NSD3: variants seen among roughly 807,000 people sequenced by gnomAD.
The protein encoded by NSD3 is histone-lysine N-methyltransferase NSD3.
In NSD3, 24 loss-of-function variants were observed where a neutral mutation model predicts 160.8. That is an observed-to-expected ratio of 0.15 (90% CI 0.11 to 0.21). NSD3 has a LOEUF of 0.21. NSD3 is among the 10% of genes least tolerant of loss of function. The pLI is 1.00. For missense variants in NSD3, 1,157 were observed against 1,735.9 expected (o/e 0.67, Z 5.93); for synonymous variants, 520 against 600.0 (o/e 0.87, Z 1.95).
rs1349755835 is a variant in NSD3 at position 38,279,536 on chromosome 8, T to C, written c.3760+4A>G. ...AAAGCATGGGGAACGAGTCACTTTT[T>C]TACCTGCAGGAATATCACAGAGAGC... On this transcript the variant is annotated splice_donor_region_variant and intron_variant, in intron 21 of 23. Coordinates refer to ENST00000317025, the MANE Select transcript of NSD3 (RefSeq NM_023034.2). The C allele has an allele frequency of 8.7e-6, 14 of 1,613,514 alleles. No homozygotes were observed. The highest frequency in any genetic ancestry group is 1.1e-5 in the Non-Finnish European group (13 of 1,179,536).
intron 7 of NSD3, among the ~76,000 whole-genome samples, chr8:38,322,397 G>T (rs978537419): frequency 3.3e-5 from 5 of 152,020 alleles, no homozygotes; most frequent in African/African-American, 1.2e-4. Flanking sequence ...TACTAAGACA[G>T]CAGATATGCT....
chr8:38,330,511 T>C (rs1055825956), intron 5 of NSD3, among the ~76,000 whole-genome samples: 3 of 152,142 alleles, frequency 2.0e-5, no homozygotes, highest in Admixed American at 1.3e-4. Context: ...AGACTTTGGA[T>C]TGGCAAGAGG....
chr8:38,355,389 C>T (rs1810799131), intron 1 of NSD3, among the ~76,000 whole-genome samples: 1 of 149,238 alleles, frequency 6.7e-6, no homozygotes, highest in African/African-American at 2.5e-5. Context: ...CAATGCTGGG[C>T]ATACAGAACT....
intron 11 of NSD3, 58 bp from the exon 12 acceptor site, chr8:38,314,831 G>A (rs1274545282): frequency 6.4e-7 from 1 of 1,561,922 alleles, no homozygotes; most frequent in East Asian, 2.3e-5. Flanking sequence ...AGACCACATG[G>A]GCGGCTTGTT....
At chr8:38,379,170 T>C (rs1009830723) in intron 1 of NSD3, among the ~76,000 whole-genome samples, 12 of 152,068 alleles carry the variant, frequency 7.9e-5, no homozygotes, top group Non-Finnish European at 1.8e-4. Flanking sequence ...TGGTTATAAG[T>C]GTTATTTAAC....
intron 1 of NSD3, among the ~76,000 whole-genome samples, chr8:38,364,517 C>T (rs1413532969): frequency 6.6e-6 from 1 of 152,178 alleles, no homozygotes; most frequent in Non-Finnish European, 1.5e-5. Context: ...GCTTTCTATA[C>T]TCTGGAGTTT....
intron 4 of NSD3, among the ~76,000 whole-genome samples, chr8:38,332,243 T>C (rs1309869565): frequency 1.3e-5 from 2 of 151,966 alleles, no homozygotes; most frequent in Non-Finnish European, 2.9e-5. Context: ...CCCCAGCCTA[T>C]GATAGGTTCT....
chr8:38,293,242 G>A (rs1446190326), intron 16 of NSD3, among the ~76,000 whole-genome samples: 3 of 151,816 alleles, frequency 2.0e-5, no homozygotes, highest in Non-Finnish European at 4.4e-5. Context: ...GGGTAAACAT[G>A]TCTAACATAT....
intron 7 of NSD3, among the ~76,000 whole-genome samples, chr8:38,325,602 T>C (rs145823003): frequency 1.2e-4 from 19 of 152,334 alleles, no homozygotes; most frequent in South Asian, 6.2e-4. Flanking sequence ...CTGGGTGCAA[T>C]GGCTCACGCC....
At chr8:38,371,041 T>C (rs1322914286) in intron 1 of NSD3, among the ~76,000 whole-genome samples, 1 of 151,988 alleles carries the variant, frequency 6.6e-6, no homozygotes, top group African/African-American at 2.4e-5. Flanking sequence ...AAACAGATAA[T>C]AGCACACCTG....
At position 38,316,800 on chromosome 8, in the gene NSD3, G is replaced by A. The variant is rs1435998016; in HGVS notation, c.1856-758C>T. The stretch of plus-strand genomic sequence containing the variant: ...AATAGGAAAAAAAAGGCAGAGAATA[G>A]TGTGGAATTGTTTTTTTTAAAACTG... On this transcript the variant is annotated intron_variant, in intron 9 of 23. Transcript: ENST00000317025. The surrounding 1 kb of genome is among the most constrained non-coding windows in gnomAD (Gnocchi z 4.5). 9.4e-7 allele frequency: 1 copy of A among 1,060,914 alleles called. No individual in the cohort carries two copies. The highest frequency in any genetic ancestry group is 1.1e-6 in the Non-Finnish European group (1 of 876,380). The allele number at this position is 1,060,914 out of a possible 1,614,324, so 65.7% of individuals were successfully genotyped here.
chr8:38,301,027 G>C (rs1809263511), intron 14 of NSD3, among the ~76,000 whole-genome samples: 1 of 152,120 alleles, frequency 6.6e-6, no homozygotes, highest in Non-Finnish European at 1.5e-5. Flanking sequence ...CTGGAGTCCA[G>C]TGGCAGATCA....
chr8:38,356,864 A>G (rs753095099), intron 1 of NSD3, among the ~76,000 whole-genome samples: 1 of 151,948 alleles, frequency 6.6e-6, no homozygotes, highest in East Asian at 1.9e-4. Flanking sequence ...TATGCTTGTA[A>G]TCCCAGCACT....
intron 2 of NSD3, among the ~76,000 whole-genome samples, chr8:38,338,994 G>C (rs1810291491): frequency 6.6e-6 from 1 of 151,836 alleles, no homozygotes; most frequent in South Asian, 2.1e-4. Context: ...TAAAAAAATA[G>C]CCGGGCATGG....
chr8:38,315,829 A>C (rs966078034), intron 10 of NSD3, 83 bp downstream of exon 10: 10 of 1,530,984 alleles, frequency 6.5e-6, no homozygotes, highest in Non-Finnish European at 7.9e-6. Flanking sequence ...TATTTTTAAA[A>C]TGTCCTGATT....
At chr8:38,353,524 G>C (rs1810752344) in intron 1 of NSD3, among the ~76,000 whole-genome samples, 1 of 152,138 alleles carries the variant, frequency 6.6e-6, no homozygotes, top group African/African-American at 2.4e-5. Context: ...GGGTTTTTCA[G>C]GCATATGTAT....
At chr8:38,295,669 T>C in intron 16 of NSD3, 127 bp downstream of exon 16, 1 of 362,654 alleles carries the variant, frequency 2.8e-6, no homozygotes, top group Non-Finnish European at 4.4e-6. Flanking sequence ...GGTTCTTTTC[T>C]TTTTTTTTTT....
At chr8:38,364,231 C>G (rs566444185) in intron 1 of NSD3, among the ~76,000 whole-genome samples, 1 of 152,042 alleles carries the variant, frequency 6.6e-6, no homozygotes, top group East Asian at 1.9e-4. Context: ...GAGCCAAGAT[C>G]GTGCCACTGC....
chr8:38,320,386 CTGAT>C (rs1809767666), intron 8 of NSD3: 1 of 152,074 alleles, frequency 6.6e-6, no homozygotes, highest in East Asian at 1.9e-4. Flanking sequence ...AAGAAAAAAT[CTGAT>C]TGTGAGTTTA....
Sources: allele counts gnomAD v4.1 joint callset (sites outside exome capture counted in the v4.1 genomes callset), GRCh38; gene constraint gnomAD v4.1.1; non-coding constraint Gnocchi (gnomAD v3.1); transcripts MANE v1.5; gene names NCBI Gene and HGNC (gene_info 2026-07-23, HGNC 2026-07-21).